Variants in SCARA5 observed in about 807,000 individuals in gnomAD.
SCARA5 encodes the protein scavenger receptor class A, member 5 (putative).
A neutral mutation model predicts 46.3 loss-of-function variants in SCARA5; 45 were observed. The ratio of observed to expected loss-of-function variants is 0.97; its 90% confidence interval spans 0.76 to 1.24. The LOEUF is 1.24. SCARA5 is among the 50% of genes most tolerant of loss of function. The pLI is 0.00. For synonymous variants in SCARA5, 333 were observed against 306.5 expected (o/e 1.09, Z -0.90); for missense variants, 680 against 689.0 (o/e 0.99, Z 0.15).
At chr8:27,952,876 A>C (rs1808150800) in intron 3 of SCARA5, among the ~76,000 whole-genome samples, 1 of 152,220 alleles carries the variant, frequency 6.6e-6, no homozygotes, top group Admixed American at 6.5e-5. Context: ...GCACAGGCCA[A>C]GCCAGGATAA....
At chr8:27,927,347 T>G (rs1807696276) in intron 3 of SCARA5, among the ~76,000 whole-genome samples, 1 of 152,204 alleles carries the variant, frequency 6.6e-6, no homozygotes, top group African/African-American at 2.4e-5. Flanking sequence ...TTGGGTCTTT[T>G]ATTGCTGTTC....
Position 27,871,439 on chromosome 8 carries a change from A to AG in SCARA5, c.*494dup. 1 of 988,588 alleles carries AG rather than the reference A, an allele frequency of 1.0e-6. No individual in the cohort carries two copies. 61.2% of individuals were successfully genotyped at this position (988,588 alleles called of 1,614,324 possible). A position where few individuals can be genotyped will look rare whatever the true frequency, so the allele number is the denominator to read the frequency against. ...CAAATGGGGAGCAGAGGCAGAGTAA[A>AG]GGGGGGAAATTCATCACTTGACGTT... On this transcript the variant is annotated 3_prime_UTR_variant, in exon 9 of 9. Coordinates refer to ENST00000354914, the MANE Select transcript of SCARA5 (RefSeq NM_173833.6).
intron 3 of SCARA5, among the ~76,000 whole-genome samples, chr8:27,953,102 C>T (rs1025087317): frequency 6.6e-6 from 1 of 152,212 alleles, no homozygotes; most frequent in African/African-American, 2.4e-5. Flanking sequence ...GCAGATGGCC[C>T]AAAGGCCGAC....
At chr8:27,976,046 T>C (rs540302714) in intron 2 of SCARA5, among the ~76,000 whole-genome samples, 134 of 152,262 alleles carry the variant, frequency 8.8e-4, no homozygotes, top group Middle Eastern at 3.4e-3. Context: ...GCATAAAAAT[T>C]CTTGAGAACA....
At chr8:27,947,831 C>A (rs1251872571) in intron 3 of SCARA5, among the ~76,000 whole-genome samples, 2 of 151,942 alleles carry the variant, frequency 1.3e-5, no homozygotes. Context: ...GCTGAGATCA[C>A]GCCACTGTAC....
chr8:27,918,304 C>T (rs1807499758), intron 4 of SCARA5, among the ~76,000 whole-genome samples: 1 of 152,160 alleles, frequency 6.6e-6, no homozygotes, highest in Non-Finnish European at 1.5e-5. Context: ...CTGCCTTAAA[C>T]CACCTCATAG....
At chr8:27,921,127 G>A (rs938477757) in intron 4 of SCARA5, among the ~76,000 whole-genome samples, 7 of 152,182 alleles carry the variant, frequency 4.6e-5, no homozygotes, top group African/African-American at 1.7e-4. Context: ...TTCAAGTTTG[G>A]AATTCTCTAA....
At chr8:27,991,371 T>A (rs117758127) in intron 1 of SCARA5, among the ~76,000 whole-genome samples, 1 of 152,154 alleles carries the variant, frequency 6.6e-6, no homozygotes, top group Non-Finnish European at 1.5e-5. Context: ...TAAGGGGGTG[T>A]CCAGGTTCCC....
At chr8:27,895,419 A>T (rs1254130134) in intron 7 of SCARA5, among the ~76,000 whole-genome samples, 1 of 152,326 alleles carries the variant, frequency 6.6e-6, no homozygotes, top group South Asian at 2.1e-4. Context: ...GCTGTCCTGG[A>T]GGGCATCGCT....
At chr8:27,943,489 C>T (rs1316015847) in intron 3 of SCARA5, among the ~76,000 whole-genome samples, 1 of 152,206 alleles carries the variant, frequency 6.6e-6, no homozygotes, top group African/African-American at 2.4e-5. Flanking sequence ...TGTGTTTTAG[C>T]TTAAATGCAT....
rs181422900 is a variant in SCARA5, at chr8:27,961,046, G to A, written c.241+5368C>T. ...TTACAGAGCCTTCACAGATAACCTG[G>A]GGCTAAACCCTAGGTTATGCTATCA... is the stretch of plus-strand genomic sequence containing the variant. On this transcript the variant is annotated intron_variant, in intron 3 of 8. Coordinates refer to ENST00000354914, the MANE Select transcript of SCARA5 (RefSeq NM_173833.6). 3.3e-3 allele frequency among the ~76,000 whole-genome samples: 499 copies of A among 152,244 alleles called. 3 individuals carry two copies. Among genetic ancestry groups the A allele is most frequent in the African/African-American group, 0.011 (469 of 41,542 alleles).
At chr8:27,924,802 A>C (rs1807655231) in intron 3 of SCARA5, among the ~76,000 whole-genome samples, 1 of 152,218 alleles carries the variant, frequency 6.6e-6, no homozygotes, top group Non-Finnish European at 1.5e-5. Flanking sequence ...CAGGATACAA[A>C]ATCAATGCGC....
At chr8:27,903,595 T>C (rs1807196230) in intron 7 of SCARA5, 2 of 152,334 alleles carry the variant, frequency 1.3e-5, no homozygotes, top group South Asian at 4.1e-4. Flanking sequence ...TTGTTTTAAG[T>C]GTCCTTTTGG....
chr8:27,977,203 G>A (rs572507103), intron 2 of SCARA5, among the ~76,000 whole-genome samples: 2 of 151,974 alleles, frequency 1.3e-5, no homozygotes, highest in South Asian at 2.1e-4. Flanking sequence ...TGACCTAATC[G>A]CCTCCCAGAG....
intron 3 of SCARA5, among the ~76,000 whole-genome samples, chr8:27,938,195 G>T (rs1036544567): frequency 6.6e-6 from 1 of 152,174 alleles, no homozygotes; most frequent in Non-Finnish European, 1.5e-5. Context: ...TCAAATCACT[G>T]ATGCCACCCT....
chr8:27,909,582 G>A, intron 5 of SCARA5, 81 bp downstream of exon 5: 2 of 999,304 alleles, frequency 2.0e-6, no homozygotes, highest in East Asian at 2.7e-5. Flanking sequence ...GGGAGCCCTG[G>A]CATTTATACC....
At position 27,940,760 on chromosome 8, in the gene SCARA5, G is replaced by GTCCACCCA. The variant is rs1554573613; in HGVS notation, c.242-18516_242-18515insTGGGTGGA. ...TGCCCATCCACCCACCCAACCATCT[G>GTCCACCCA]TCCATCCATCCATCCATCCATCCAT... is the stretch of plus-strand genomic sequence containing the variant. On this transcript the variant is annotated intron_variant, in intron 3 of 8. Coordinates refer to ENST00000354914, the MANE Select transcript of SCARA5 (RefSeq NM_173833.6). Among the ~76,000 whole-genome samples, 1,124 of 128,358 alleles carry GTCCACCCA rather than the reference G, an allele frequency of 8.8e-3. 17 individuals are homozygous for GTCCACCCA. Among genetic ancestry groups the GTCCACCCA allele is most frequent in the African/African-American group, 0.03 (1,009 of 33,476 alleles). The allele number at this position is 128,358 out of a possible 152,430, so 84.2% of individuals were successfully genotyped here.
At chr8:27,919,240 CG>C (rs368105827) in intron 4 of SCARA5, among the ~76,000 whole-genome samples, 9 of 2,312 alleles carry the variant, frequency 3.9e-3, no homozygotes, top group South Asian at 0.038. Flanking sequence ...GAGGAAGAGA[CG>C]GAGGAGGAAG....
At chr8:27,907,025 T>C (rs1807273582) in intron 6 of SCARA5, 123 bp downstream of exon 6, 2 of 598,428 alleles carry the variant, frequency 3.3e-6, no homozygotes, top group Non-Finnish European at 5.8e-6. Context: ...TGAAGAGACT[T>C]GTACAAGGTT....
Sources: gnomAD v4.1 joint callset for allele counts (sites outside exome capture counted in the v4.1 genomes callset) on GRCh38, gnomAD v4.1.1 for gene constraint, MANE v1.5 for transcripts, NCBI Gene and HGNC (gene_info 2026-07-23, HGNC 2026-07-21) for gene names.